The following SAMD4A variants were observed in gnomAD, a reference collection of about 807,000 sequenced individuals.
SAMD4A encodes protein Smaug homolog 1.
Under a neutral mutation model 81.3 loss-of-function variants are expected in SAMD4A, and 33 were observed. The observed-to-expected ratio is 0.41, with a 90% CI of 0.31 to 0.54. SAMD4A has a LOEUF of 0.54. Ranked by LOEUF, SAMD4A falls within the 20% of genes least tolerant of loss-of-function variation. The pLI, the probability that SAMD4A is intolerant of heterozygous loss-of-function variation, is 0.37. For missense variants in SAMD4A, 854 were observed against 951.1 expected (o/e 0.90, Z 1.34); for synonymous variants, 389 against 382.1 (o/e 1.02, Z -0.21).
intron 6 of SAMD4A, among the ~76,000 whole-genome samples, chr14:54,758,640 G>A (rs774275675): frequency 1.5e-4 from 23 of 152,186 alleles, no homozygotes; most frequent in Middle Eastern, 3.2e-3. Context: ...GACCGGCCTG[G>A]CCAACATGGT....
intron 2 of SAMD4A, among the ~76,000 whole-genome samples, chr14:54,576,081 A>G (rs1444206714): frequency 7.5e-6 from 1 of 133,562 alleles, no homozygotes; most frequent in African/African-American, 3.0e-5. Flanking sequence ...AAGAGCAGGA[A>G]TGTTCATTCC....
intron 2 of SAMD4A, among the ~76,000 whole-genome samples, chr14:54,692,346 G>C (rs370067264): frequency 3.3e-5 from 5 of 152,270 alleles, no homozygotes; most frequent in Admixed American, 2.6e-4. Context: ...CTATTCTTTT[G>C]TGATTCAGTC....
At chr14:54,756,396 T>C (rs1283583151) in intron 6 of SAMD4A, among the ~76,000 whole-genome samples, 1 of 152,234 alleles carries the variant, frequency 6.6e-6, no homozygotes, top group Non-Finnish European at 1.5e-5. Context: ...GTTCCTTTCA[T>C]GCTGTTTATC....
At chr14:54,772,449 G>A (rs2038730807) in intron 9 of SAMD4A, among the ~76,000 whole-genome samples, 1 of 152,154 alleles carries the variant, frequency 6.6e-6, no homozygotes, top group Admixed American at 6.5e-5. Context: ...TCAGGAGAGA[G>A]AAAGATGGCC....
intron 2 of SAMD4A, among the ~76,000 whole-genome samples, chr14:54,664,851 T>A (rs1392885441): frequency 7.8e-6 from 1 of 128,394 alleles, no homozygotes. Context: ...ACACACACAC[T>A]TCCTTAAAAT....
intron 3 of SAMD4A, among the ~76,000 whole-genome samples, chr14:54,721,559 A>G (rs1435580045): frequency 6.6e-6 from 1 of 152,176 alleles, no homozygotes; most frequent in Non-Finnish European, 1.5e-5. Flanking sequence ...CATAACTCTC[A>G]TTATCAATAG....
chr14:54,702,273 G>A lies in SAMD4A; in HGVS notation c.408G>A (p.Ser136=), dbSNP rs763750108. 3.5e-5 allele frequency: 57 copies of A among 1,614,046 alleles called. No individual in the cohort carries two copies. The Middle Eastern group carries it at 2.8e-3, about 79-fold the overall frequency. Residue 136 remains serine (S), a synonymous_variant, in exon 3 of 13, where the codon TCG becomes TCA. Coordinates refer to ENST00000554335, the MANE Select transcript of SAMD4A (RefSeq NM_015589.6). The stretch of plus-strand genomic sequence containing the variant: ...ATGCTTTGATACATCCAGCCACTTC[G>A]TTAGAAGACCGTAGTGCTTTAGCCA... The part of the protein sequence containing the change: ...LSYALIHPAT[S]LEDRSALAMW...
intron 7 of SAMD4A, among the ~76,000 whole-genome samples, chr14:54,763,580 T>C (rs1222867346): frequency 1.3e-5 from 2 of 152,148 alleles, no homozygotes; most frequent in African/African-American, 2.4e-5. Context: ...ATAAATGGGA[T>C]TGTGTGACCA....
chr14:54,721,147 A>G (rs2037251882), intron 3 of SAMD4A, among the ~76,000 whole-genome samples: 1 of 152,090 alleles, frequency 6.6e-6, no homozygotes, highest in Non-Finnish European at 1.5e-5. Context: ...TTTATTATCT[A>G]TCTCCCCCAC....
intron 2 of SAMD4A, among the ~76,000 whole-genome samples, chr14:54,604,663 AG>A (rs1194681358): frequency 1.3e-5 from 2 of 152,244 alleles, no homozygotes; most frequent in African/African-American, 4.8e-5. Context: ...AAATGAAAAA[AG>A]GGCTCCCTGT....
intron 2 of SAMD4A, among the ~76,000 whole-genome samples, chr14:54,658,510 C>G (rs58243467): frequency 2.0e-5 from 3 of 152,142 alleles, no homozygotes; most frequent in African/African-American, 4.8e-5. Context: ...AGTCCCACCT[C>G]TAGCTAGGCC....
rs567831973 is a variant in SAMD4A at position 54,727,166 on chromosome 14, C to CTTTTTTTTTTTTTTTTTTTTTTTTTT, written c.716-9842_716-9817dup. Among the ~76,000 whole-genome samples, 3 of 59,146 alleles carry CTTTTTTTTTTTTTTTTTTTTTTTTTT rather than the reference C, an allele frequency of 5.1e-5. 1 individual carries two copies. The highest frequency in any genetic ancestry group is 6.7e-5 in the Non-Finnish European group (2 of 29,778). The allele number at this position is 59,146 out of a possible 152,430, so 38.8% of individuals were successfully genotyped here. A position where few individuals can be genotyped will look rare whatever the true frequency, so the allele number is the denominator to read the frequency against. On this transcript the variant is annotated intron_variant, in intron 3 of 12. Coordinates refer to ENST00000554335, the MANE Select transcript of SAMD4A (RefSeq NM_015589.6). Reference sequence around the variant, plus strand: ...TTATCACAACAGCCTTCTTTTTTTCCTTTTTTTTTTTTTTTTTTTTTTTTT... The same window carrying CTTTTTTTTTTTTTTTTTTTTTTTTTT: ...TTATCACAACAGCCTTCTTTTTTTCCTTTTTTTTTTTTTTTTTTTTTTTTTTTTTTTTTTTTTTTTTTTTTTTTTTT...
At chr14:54,762,818 TC>T (rs1200022180) in intron 7 of SAMD4A, among the ~76,000 whole-genome samples, 1 of 151,676 alleles carries the variant, frequency 6.6e-6, no homozygotes, top group Admixed American at 6.6e-5. Flanking sequence ...GGATATCCTT[TC>T]AGAAACTTCA....
chr14:54,640,594 G>T (rs976737803), intron 2 of SAMD4A, among the ~76,000 whole-genome samples: 2 of 152,178 alleles, frequency 1.3e-5, no homozygotes, highest in African/African-American at 4.8e-5. Context: ...CAGTCTGGTG[G>T]TAACAGCTAG....
At chr14:54,735,551 C>T (rs2140920670) in intron 3 of SAMD4A, among the ~76,000 whole-genome samples, 1 of 152,300 alleles carries the variant, frequency 6.6e-6, no homozygotes, top group African/African-American at 2.4e-5. Context: ...ACTTCACATA[C>T]AAGGCTGCCC....
intron 2 of SAMD4A, among the ~76,000 whole-genome samples, chr14:54,627,355 C>G (rs982016951): frequency 1.3e-5 from 2 of 152,004 alleles, no homozygotes; most frequent in Non-Finnish European, 2.9e-5. Flanking sequence ...GCAGCTTGTC[C>G]GTTACATTTG....
At chr14:54,661,563 G>A (rs894553623) in intron 2 of SAMD4A, among the ~76,000 whole-genome samples, 2 of 152,176 alleles carry the variant, frequency 1.3e-5, no homozygotes, top group Non-Finnish European at 2.9e-5. Context: ...TGGATCTGTG[G>A]TCTGTGCATT....
chr14:54,774,063 A>T (rs1315533079), intron 9 of SAMD4A, among the ~76,000 whole-genome samples: 1 of 152,180 alleles, frequency 6.6e-6, no homozygotes, highest in Non-Finnish European at 1.5e-5. Flanking sequence ...GGCCTCTCAA[A>T]AGCATGTGAG....
intron 2 of SAMD4A, among the ~76,000 whole-genome samples, chr14:54,608,011 G>A (rs11844854): frequency 0.73 from 101,431 of 138,470 alleles, 37,162 homozygotes; most frequent in East Asian, 0.86. Context: ...GCAAGACTCC[G>A]TCTCAAAAAA....
Sources: gnomAD v4.1 joint callset for allele counts (sites outside exome capture counted in the v4.1 genomes callset) on GRCh38, gnomAD v4.1.1 for gene constraint, MANE v1.5 for transcripts, NCBI Gene and HGNC (gene_info 2026-07-23, HGNC 2026-07-21) for gene names.